ZKSCAN5: variants seen among roughly 807,000 people sequenced by gnomAD.
ZKSCAN5 encodes zinc finger protein with KRAB and SCAN domains 5.
In ZKSCAN5, 28 loss-of-function variants were observed where a neutral mutation model predicts 60.0. The ratio of observed to expected loss-of-function variants is 0.47; its 90% CI spans 0.35 to 0.64. ZKSCAN5 has a LOEUF of 0.64. Ranked by LOEUF, ZKSCAN5 falls within the 30% of genes least tolerant of loss-of-function variation. The pLI, the probability that ZKSCAN5 is intolerant of heterozygous loss-of-function variation, is 0.01. For missense variants in ZKSCAN5, 881 were observed against 1,034.6 expected (o/e 0.85, Z 2.04); for synonymous variants, 361 against 371.2 (o/e 0.97, Z 0.31).
intron 3 of ZKSCAN5, among the ~76,000 whole-genome samples, chr7:99,515,563 G>A (rs541886602): frequency 2.6e-5 from 4 of 152,064 alleles, no homozygotes; most frequent in Non-Finnish European, 5.9e-5. Flanking sequence ...GCTGGGCCTG[G>A]TGGCTCATGC....
rs371715929 is a variant in ZKSCAN5 at position 99,532,239 on chromosome 7, C to T, written c.2510C>T (p.Ser837Phe). 3 of 1,578,640 alleles carry T rather than the reference C, an allele frequency of 1.9e-6. No homozygotes were observed. The African/African-American group carries it at 4.1e-5, about 22-fold the overall frequency. The stretch of plus-strand genomic sequence containing the variant: ...ATAAATACCTTAAGTGTAGAGGGGT[C>T]TCTGTTGTAGAATAGCTCTTAATTT... ...DPINTLSVEGSLL is the reference protein window; with the variant it reads ...DPINTLSVEGFLL The change falls in exon 7 of 7, where the codon TCT becomes TTT. Residue 837 changes from serine (S) to phenylalanine (F), a missense_variant. Physicochemically the swap from Ser to Phe is radical, Grantham distance 155. Around this residue, in one of 5 missense-constraint regions of ZKSCAN5, gnomAD observed 138 missense variants for 143.8 expected, o/e 0.96. Coordinates refer to ENST00000326775, the MANE Select transcript of ZKSCAN5 (RefSeq NM_145102.4).
intron 3 of ZKSCAN5, among the ~76,000 whole-genome samples, chr7:99,514,111 G>T (rs1481195208): frequency 6.6e-6 from 1 of 152,080 alleles, no homozygotes; most frequent in Non-Finnish European, 1.5e-5. Flanking sequence ...AAAATGTGAT[G>T]GTCCAGAATC....
chr7:99,515,981 A>G (rs890201777), intron 3 of ZKSCAN5, among the ~76,000 whole-genome samples: 2 of 151,104 alleles, frequency 1.3e-5, no homozygotes, highest in African/African-American at 4.9e-5. Flanking sequence ...CTTCTGAGCC[A>G]TCTCATCTTT....
At chr7:99,526,455 A>G (rs1264532452) in intron 6 of ZKSCAN5, 37 bp downstream of exon 6, 32 of 1,568,864 alleles carry the variant, frequency 2.0e-5, no homozygotes, top group Non-Finnish European at 2.7e-5. Context: ...GGATAAATGG[A>G]GGCGAAAAGC....
chr7:99,516,753 G>A (rs368080415), intron 3 of ZKSCAN5, among the ~76,000 whole-genome samples: 1 of 152,108 alleles, frequency 6.6e-6, no homozygotes, highest in African/African-American at 2.4e-5. Flanking sequence ...CTGTCTCCCC[G>A]ATCTCCATTC....
rs748264214 is a variant in ZKSCAN5 at position 99,512,434 on chromosome 7, T to G, written c.415-19T>G. On this transcript the variant is annotated intron_variant, in intron 2 of 6. Coordinates refer to ENST00000326775, the MANE Select transcript of ZKSCAN5 (RefSeq NM_145102.4). ...CCTTCTCTGTAACTGTACTGATCGG[T>G]TTTGGTTGTGGTTGTTAGATTGTTG... The G allele has an allele frequency of 1.6e-5, 25 of 1,611,592 alleles. No individual in the cohort carries two copies. The highest frequency in any genetic ancestry group is 1.9e-5 in the Non-Finnish European group (22 of 1,178,724).
chr7:99,526,486 G>A (rs929678996), intron 6 of ZKSCAN5, 68 bp downstream of exon 6: 8 of 1,540,018 alleles, frequency 5.2e-6, no homozygotes, highest in South Asian at 3.8e-5. Context: ...TTATTAGTAC[G>A]GTACAACAGG....
intron 2 of ZKSCAN5, among the ~76,000 whole-genome samples, chr7:99,507,268 ACT>A (rs1800779030): frequency 6.6e-6 from 1 of 151,194 alleles, no homozygotes; most frequent in Admixed American, 6.6e-5. Flanking sequence ...CAGCTATCTC[ACT>A]CTCTGAAATT....
Position 99,533,403 on chromosome 7 carries a change from G to GT in ZKSCAN5, c.*1157dup. The GT allele has an allele frequency of 1.9e-6, 1 of 536,080 alleles. No individual in the cohort carries two copies. The highest frequency in any genetic ancestry group is 2.6e-5 in the South Asian group (1 of 38,530). 33.2% of individuals were successfully genotyped at this position (536,080 alleles called of 1,614,324 possible). On this transcript the variant is annotated 3_prime_UTR_variant, in exon 7 of 7. Transcript: ENST00000326775. ...AGTGCTCTTGGGCACTGCTCAGGCC[G>GT]TTTCTGCTGACTTGCCTGGCTTACA...
chr7:99,527,410 T>C (rs1393718400), intron 6 of ZKSCAN5, among the ~76,000 whole-genome samples: 1 of 151,384 alleles, frequency 6.6e-6, no homozygotes, highest in Non-Finnish European at 1.5e-5. Flanking sequence ...AAAGAAAAAA[T>C]AAATCACCCA....
At chr7:99,520,570 C>G (rs1399770213) in intron 5 of ZKSCAN5, among the ~76,000 whole-genome samples, 1 of 151,978 alleles carries the variant, frequency 6.6e-6, no homozygotes, top group Non-Finnish European at 1.5e-5. Flanking sequence ...TAACTTTTTA[C>G]TGCTTTAAAA....
At position 99,532,356 on chromosome 7, in the gene ZKSCAN5, A is replaced by G. The variant is rs187683648; in HGVS notation, c.*107A>G. 4.6e-6 allele frequency: 5 copies of G among 1,094,496 alleles called. No homozygotes were observed. The East Asian group carries it at 9.8e-5, about 22-fold the overall frequency. The allele number at this position is 1,094,496 out of a possible 1,614,324, so 67.8% of individuals were successfully genotyped here. A position where few individuals can be genotyped will look rare whatever the true frequency, so the allele number is the denominator to read the frequency against. On this transcript the variant is annotated 3_prime_UTR_variant, in exon 7 of 7. Coordinates refer to ENST00000326775, the MANE Select transcript of ZKSCAN5 (RefSeq NM_145102.4). The stretch of plus-strand genomic sequence containing the variant: ...TCCAGCGTTACCATCAAACTCACAA[A>G]TAGGTTGAAATCCTTTAGTTATAAC...
At chr7:99,512,667 G>T (rs576299106) in intron 3 of ZKSCAN5, 76 bp downstream of exon 3, 1 of 1,532,390 alleles carries the variant, frequency 6.5e-7, no homozygotes, top group East Asian at 2.4e-5. Flanking sequence ...CACTATCTGC[G>T]GGAGAGAGAC....
intron 4 of ZKSCAN5, 100 bp from the exon 5 acceptor site, chr7:99,520,069 A>C: frequency 1.3e-6 from 2 of 1,533,218 alleles, no homozygotes; most frequent in Non-Finnish European, 1.8e-6. Flanking sequence ...TTTGAGGCAC[A>C]GTTCCTCCCC....
Position 99,533,340 on chromosome 7 carries a change from G to A in ZKSCAN5, c.*1091G>A, listed in dbSNP as rs1802137901. On this transcript the variant is annotated 3_prime_UTR_variant, in exon 7 of 7. Coordinates refer to ENST00000326775, the MANE Select transcript of ZKSCAN5 (RefSeq NM_145102.4). ...GAGTGGGAAAGAGGATGACATGTGT[G>A]AGAGAGTTCTGAGCCTGTTTGCTAG... 1 of 630,728 alleles carries A rather than the reference G, an allele frequency of 1.6e-6. No individual in the cohort carries two copies. Among genetic ancestry groups the A allele is most frequent in the South Asian group, 1.8e-5 (1 of 56,944 alleles). The allele number at this position is 630,728 out of a possible 1,614,324, so 39.1% of individuals were successfully genotyped here. A position where few individuals can be genotyped will look rare whatever the true frequency, so the allele number is the denominator to read the frequency against.
chr7:99,529,463 C>G (rs569655045), intron 6 of ZKSCAN5, among the ~76,000 whole-genome samples: 1 of 152,278 alleles, frequency 6.6e-6, no homozygotes, highest in South Asian at 2.1e-4. Flanking sequence ...TTTATCAACT[C>G]ATTGCTCAAC....
intron 2 of ZKSCAN5, among the ~76,000 whole-genome samples, chr7:99,507,501 G>GTA (rs923305854): frequency 1.4e-5 from 2 of 143,708 alleles, no homozygotes; most frequent in South Asian, 2.3e-4. Context: ...GTATATATGT[G>GTA]TATATATATG....
At chr7:99,514,134 A>C (rs1206760764) in intron 3 of ZKSCAN5, among the ~76,000 whole-genome samples, 1 of 152,216 alleles carries the variant, frequency 6.6e-6, no homozygotes, top group East Asian at 1.9e-4. Context: ...TTATTATCTT[A>C]TTATTACAAA....
At chr7:99,512,360 C>T (rs2151098322) in intron 2 of ZKSCAN5, 93 bp from the exon 3 acceptor site, 1 of 1,481,694 alleles carries the variant, frequency 6.7e-7, no homozygotes, top group Non-Finnish European at 9.1e-7. Flanking sequence ...AAATATTTGG[C>T]AAAGGAATGA....
Sources: allele counts gnomAD v4.1 joint callset (sites outside exome capture counted in the v4.1 genomes callset), GRCh38; gene constraint gnomAD v4.1.1; regional missense constraint gnomAD v4.1.1; transcripts MANE v1.5; gene names NCBI Gene and HGNC (gene_info 2026-07-23, HGNC 2026-07-21).